BTN3A1: variants seen among roughly 807,000 people sequenced by gnomAD.
BTN3A1 encodes dJ45P21.3 (butyrophilin, subfamily 3, member A1).
In BTN3A1, 24 loss-of-function variants were observed where a neutral mutation model predicts 43.0. That is an observed-to-expected ratio of 0.56 (90% CI 0.40 to 0.78). The LOEUF is 0.78. Ranked by LOEUF, BTN3A1 falls within the 30% of genes least tolerant of loss-of-function variation. The pLI, the probability that BTN3A1 is intolerant of heterozygous loss-of-function variation, is 0.00. For missense variants in BTN3A1, 533 were observed against 626.2 expected (o/e 0.85, Z 1.59); for synonymous variants, 181 against 234.7 (o/e 0.77, Z 2.09).
At position 26,413,425 on chromosome 6, in the gene BTN3A1, A is replaced by G. The variant is rs1246827185; in HGVS notation, c.1275A>G (p.Thr425=). Residue 425 remains threonine (T), a synonymous_variant, in exon 10 of 10, where the codon ACA becomes ACG. Coordinates refer to ENST00000289361, the MANE Select transcript of BTN3A1 (RefSeq NM_007048.6). ...NVQRKGWVKM[T]PENGFWTMGL... ...AGAGAAAAGGCTGGGTCAAAATGAC[A>G]CCTGAGAATGGATTCTGGACTATGG... 6.2e-7 allele frequency: 1 copy of G among 1,614,170 alleles called. No homozygotes were observed.
chr6:26,411,000 T>TAAAAAAAAAAAAAAAAAAAAAAA lies in BTN3A1; in HGVS notation c.965-108_965-86dup, dbSNP rs1170183887. The TAAAAAAAAAAAAAAAAAAAAAAA allele has an allele frequency of 2.5e-5, 9 of 359,640 alleles. 1 individual carries two copies. The highest frequency in any genetic ancestry group is 1.4e-4 in the African/African-American group (3 of 21,096). The allele number at this position is 359,640 out of a possible 1,614,324, so 22.3% of individuals were successfully genotyped here. ...CTGCAGAGGAGGAAGATACAGGTGG[T>TAAAAAAAAAAAAAAAAAAAAAAA]AAAAAAAAAAAAAAAAAAAAAAAGA... On this transcript the variant is annotated intron_variant, in intron 7 of 9. Coordinates refer to ENST00000289361, the MANE Select transcript of BTN3A1 (RefSeq NM_007048.6).
At chr6:26,406,665 G>A (rs1013873859) in intron 3 of BTN3A1, among the ~76,000 whole-genome samples, 3 of 152,206 alleles carry the variant, frequency 2.0e-5, no homozygotes, top group Non-Finnish European at 4.4e-5. Flanking sequence ...TGCTGCCAAT[G>A]TTCTTGAGCC....
At chr6:26,411,181 G>A (rs1762205595) in intron 8 of BTN3A1, 46 bp downstream of exon 8, 2 of 1,592,754 alleles carry the variant, frequency 1.3e-6, no homozygotes, top group South Asian at 1.1e-5. Flanking sequence ...CACGTGCCAT[G>A]AACATTTCAA....
chr6:26,413,683 T>A lies in BTN3A1; in HGVS notation c.1533T>A (p.Cys511Ter). 1 of 1,613,050 alleles carries A rather than the reference T, an allele frequency of 6.2e-7. No individual in the cohort carries two copies. The highest frequency in any genetic ancestry group is 2.2e-5 in the East Asian group (1 of 44,874). Reference sequence around the variant, plus strand: ...TGGAGCCCACGGCCCTGACTATTTGTCCAGCGTGAAAAGAAGAAGAGAGTT... The same window carrying A: ...TGGAGCCCACGGCCCTGACTATTTGACCAGCGTGAAAAGAAGAAGAGAGTT... ...LTLEPTALTICPA is the reference protein window; with the variant it reads ...LTLEPTALTI The change falls in exon 10 of 10, where the codon TGT becomes TGA. Residue 511 changes from cysteine (C) to a stop codon, truncating the protein, a stop_gained. Coordinates refer to ENST00000289361, the MANE Select transcript of BTN3A1 (RefSeq NM_007048.6). LOFTEE classifies it high-confidence loss of function.
At position 26,409,719 on chromosome 6, in the gene BTN3A1, A is replaced by G; in HGVS notation, c.902A>G (p.Glu301Gly). ...ATGGCATGGAGCACAATGAAGCAAG[A>G]ACAAAGCACAAGAGGTAGCTGACCT... is the stretch of plus-strand genomic sequence containing the variant. The part of the protein sequence containing the change: ...REMAWSTMKQ[E>G]QSTRVKLLEE... Residue 301 changes from glutamate to glycine, a missense_variant, in exon 5 of 10, where the codon GAA becomes GGA. This residue lies in a region of BTN3A1 where 415 missense variants were observed against 427.0 expected (regional missense o/e 0.97). Coordinates refer to ENST00000289361, the MANE Select transcript of BTN3A1 (RefSeq NM_007048.6). 1 of 1,573,578 alleles carries G rather than the reference A, an allele frequency of 6.4e-7. No individual in the cohort carries two copies. The highest frequency in any genetic ancestry group is 8.6e-7 in the Non-Finnish European group (1 of 1,163,680).
chr6:26,405,479 G>T lies in BTN3A1; in HGVS notation c.-85G>T. On this transcript the variant is annotated 5_prime_UTR_variant, in exon 2 of 10. Coordinates refer to ENST00000289361, the MANE Select transcript of BTN3A1 (RefSeq NM_007048.6). Reference sequence around the variant, plus strand: ...TACTTGAGTTAGCTCTAGGGAAGTGGAGGTTTCCATTTGGAATTCTATAGC... The same window carrying T: ...TACTTGAGTTAGCTCTAGGGAAGTGTAGGTTTCCATTTGGAATTCTATAGC... The T allele has an allele frequency of 7.5e-7, 1 of 1,331,044 alleles. No homozygotes were observed. 82.5% of individuals were successfully genotyped at this position (1,331,044 alleles called of 1,614,324 possible).
chr6:26,409,452 G>T, intron 4 of BTN3A1, 81 bp from the exon 5 acceptor site: 1 of 1,310,258 alleles, frequency 7.6e-7, no homozygotes, highest in Middle Eastern at 2.6e-4. Flanking sequence ...GACCTGGGGT[G>T]AGCAGCTAAC....
At position 26,407,882 on chromosome 6, in the gene BTN3A1, G is replaced by C; in HGVS notation, c.645G>C (p.Gly215=). ...AASVIMRGSS[G]EGVSCTIRSS... Reference sequence around the variant, plus strand: ...CTGTGATCATGAGAGGCAGCTCTGGGGAGGGTGTATCCTGTACCATCAGAA... The same window carrying C: ...CTGTGATCATGAGAGGCAGCTCTGGCGAGGGTGTATCCTGTACCATCAGAA... Residue 215 remains glycine (G), a synonymous_variant, in exon 4 of 10, where the codon GGG becomes GGC. Transcript: ENST00000289361. 6.2e-7 allele frequency: 1 copy of C among 1,614,206 alleles called. No homozygotes were observed. Among genetic ancestry groups the C allele is most frequent in the Non-Finnish European group, 8.5e-7 (1 of 1,180,038 alleles).
Position 26,409,682 on chromosome 6 carries a change from G to T in BTN3A1, c.865G>T (p.Glu289Ter), listed in dbSNP as rs540382529. The T allele has an allele frequency of 1.3e-6, 2 of 1,591,758 alleles. No individual in the cohort carries two copies. Among genetic ancestry groups the T allele is most frequent in the South Asian group, 1.1e-5 (1 of 89,162 alleles). ...GTTCAGAAAGAAAAAGAGAGAGCAA[G>T]AGTTGAGAGAAATGGCATGGAGCAC... ...TQFRKKKREQELREMAWSTMK... is the reference protein window; with the variant it reads ...TQFRKKKREQ The change falls in exon 5 of 10, where the codon GAG becomes TAG. Residue 289 changes from glutamate (E) to a stop codon, truncating the protein, a stop_gained. Coordinates refer to ENST00000289361, the MANE Select transcript of BTN3A1 (RefSeq NM_007048.6). LOFTEE classifies it high-confidence loss of function.
At chr6:26,407,592 G>A in intron 3 of BTN3A1, 79 bp from the exon 4 acceptor site, 1 of 1,493,386 alleles carries the variant, frequency 6.7e-7, no homozygotes, top group East Asian at 2.3e-5. Context: ...ATTATGGAAT[G>A]TGAGTGTGCC....
At chr6:26,411,241 T>G (rs973394348) in intron 8 of BTN3A1, 106 bp downstream of exon 8, 67 of 1,424,870 alleles carry the variant, frequency 4.7e-5, no homozygotes, top group Non-Finnish European at 6.3e-5. Context: ...TGAATCAGAT[T>G]TAACCCAAAG....
At chr6:26,411,025 A>AAAAAAAAAAT in intron 7 of BTN3A1, 84 bp from the exon 8 acceptor site, 4 of 796,984 alleles carry the variant, frequency 5.0e-6, no homozygotes, top group Non-Finnish European at 7.8e-6. Flanking sequence ...AAAAAAAAAG[A>AAAAAAAAAAT]TTAGATGGAT....
intron 1 of BTN3A1, 130 bp from the exon 2 acceptor site, chr6:26,405,242 G>A: frequency 2.4e-6 from 1 of 409,530 alleles, no homozygotes; most frequent in Non-Finnish European, 4.5e-6. Context: ...ATCAGAGGGG[G>A]ATTGTGGTGG....
chr6:26,412,198 C>T, intron 9 of BTN3A1: 1 of 512,362 alleles, frequency 2.0e-6, no homozygotes, highest in Non-Finnish European at 3.5e-6. Flanking sequence ...CCCCATGGTT[C>T]CCAACAGTGG....
At chr6:26,404,920 G>A (rs1384369942) in intron 1 of BTN3A1, among the ~76,000 whole-genome samples, 5 of 152,200 alleles carry the variant, frequency 3.3e-5, no homozygotes, top group Non-Finnish European at 5.9e-5. Context: ...CATGGGCCTG[G>A]CCCCTTGTGG....
chr6:26,407,952 G>A lies in BTN3A1; in HGVS notation c.715G>A (p.Asp239Asn), dbSNP rs769813059. 25 of 1,613,866 alleles carry A rather than the reference G, an allele frequency of 1.5e-5. No individual in the cohort carries two copies. Among genetic ancestry groups the A allele is most frequent in the Non-Finnish European group, 2.0e-5 (24 of 1,179,866 alleles). ...AAAGACAGCCAGCATTTCCATCGCA[G>A]GTCAGTACCTGCTTGGCCTCAGGTT... Reference protein sequence around the residue: ...LEKTASISIADPFFRSAQRWI... With the variant: ...LEKTASISIANPFFRSAQRWI... Residue 239 changes from aspartate to asparagine, a missense_variant and splice_region_variant, in exon 4 of 10, where the codon GAC (aspartate) becomes AAC (asparagine). Asp to Asn is a conservative substitution (Grantham distance 23). Coordinates refer to ENST00000289361, the MANE Select transcript of BTN3A1 (RefSeq NM_007048.6).
rs564185969 is a variant in BTN3A1, at chr6:26,413,515, G to C, written c.1365G>C (p.Lys455Asn). The C allele has an allele frequency of 3.7e-6, 6 of 1,614,116 alleles. No individual in the cohort carries two copies. In the African/African-American group the frequency reaches 4.0e-5, roughly 11 times the overall value. ...CCAGAACCAACCTGAAACTTCCTAA[G>C]CCCCCTAAGAAAGTGGGGGTCTTCC... ...TEPRTNLKLP[K>N]PPKKVGVFLD... Residue 455 changes from lysine to asparagine, a missense_variant, in exon 10 of 10, where the codon AAG (lysine) becomes AAC (asparagine). Around this residue, in one of 4 missense-constraint regions of BTN3A1, gnomAD observed 415 missense variants for 427.0 expected, o/e 0.97. Transcript: ENST00000289361.
intron 8 of BTN3A1, 53 bp from the exon 9 acceptor site, chr6:26,411,502 G>A (rs1473959844): frequency 3.1e-6 from 5 of 1,587,590 alleles, no homozygotes; most frequent in Non-Finnish European, 2.6e-6. Context: ...AGTGCAGTGG[G>A]GAAAAGTACA....
rs984353017 is a variant in BTN3A1 at position 26,415,196 on chromosome 6, T to C, written c.*1504T>C. On this transcript the variant is annotated 3_prime_UTR_variant, in exon 10 of 10. Transcript: ENST00000289361. ...AAGTTCTAGTTGTTCAATAAATTTG[T>C]TAATAATGCTGACTCTTCAACTTGG... The C allele has an allele frequency of 6.6e-6, 1 of 152,232 alleles. No homozygotes were observed. The highest frequency in any genetic ancestry group is 2.4e-5 in the African/African-American group (1 of 41,440). 9.4% of individuals were successfully genotyped at this position (152,232 alleles called of 1,614,324 possible). A position where few individuals can be genotyped will look rare whatever the true frequency, so the allele number is the denominator to read the frequency against.
Sources: allele counts gnomAD v4.1 joint callset (sites outside exome capture counted in the v4.1 genomes callset), GRCh38; gene constraint gnomAD v4.1.1; regional missense constraint gnomAD v4.1.1; transcripts MANE v1.5; gene names NCBI Gene and HGNC (gene_info 2026-07-23, HGNC 2026-07-21).